CCDC73: variants seen among roughly 807,000 people sequenced by gnomAD.
CCDC73 encodes the protein coiled-coil domain-containing protein 73.
CCDC73 carries 95 observed loss-of-function variants against 116.5 expected under a neutral mutation model. The observed-to-expected ratio is 0.82, with a 90% CI of 0.69 to 0.97. The LOEUF is 0.97. Among genes scored for constraint, CCDC73 ranks in the 50% least tolerant of loss-of-function variants. The pLI, the probability that CCDC73 is intolerant of heterozygous loss-of-function variation, is 0.00. For synonymous variants in CCDC73, 398 were observed against 401.3 expected, an observed-to-expected ratio of 0.99 and a Z score of 0.10; for missense variants, 1,066 against 1,206.8, an observed-to-expected ratio of 0.88 and a Z score of 1.73.
rs568139372 is a variant in CCDC73, at chr11:32,607,382, G to A, written c.3030+3750C>T. On this transcript the variant is annotated intron_variant, in intron 17 of 17. Transcript: ENST00000335185. ...GCTGGGATTACAGGCGTGAGCCACCGCGCCCGGCCCAAAAATAAATTCTTA... is the reference window on the plus strand; with the variant it reads ...GCTGGGATTACAGGCGTGAGCCACCACGCCCGGCCCAAAAATAAATTCTTA... Among the ~76,000 whole-genome samples the A allele has an allele frequency of 8.5e-5, 13 of 152,128 alleles. No individual in the cohort carries two copies. In the East Asian group the frequency reaches 2.1e-3, roughly 25 times the overall value.
Position 32,653,331 on chromosome 11 carries a change from T to C in CCDC73, c.835-104A>G, listed in dbSNP as rs558551992. 7.7e-6 allele frequency: 5 copies of C among 648,938 alleles called. No individual in the cohort carries two copies. In the East Asian group the frequency reaches 1.5e-4, roughly 19 times the overall value. The allele number at this position is 648,938 out of a possible 1,614,324, so 40.2% of individuals were successfully genotyped here. ...CTAGTTTCCTAACTCACTGTATTTA[T>C]AGTTTAATTTCAATACTTTATATTA... is the stretch of plus-strand genomic sequence containing the variant. On this transcript the variant is annotated intron_variant, in intron 11 of 17. Coordinates refer to ENST00000335185, the MANE Select transcript of CCDC73 (RefSeq NM_001008391.4).
chr11:32,738,301 C>A lies in CCDC73; in HGVS notation c.136-20154G>T, dbSNP rs151162511. Reference sequence around the variant, plus strand: ...CAAATTGTTCTCCGTAGGGGTTATACTAATTTACATTTCCACCAACAGTGT... The same window carrying A: ...CAAATTGTTCTCCGTAGGGGTTATAATAATTTACATTTCCACCAACAGTGT... On this transcript the variant is annotated intron_variant, in intron 2 of 17. Transcript: ENST00000335185. Among the ~76,000 whole-genome samples the A allele has an allele frequency of 3.0e-3, 456 of 152,320 alleles. 2 individuals are homozygous for A. Among genetic ancestry groups the A allele is most frequent in the Middle Eastern group, 0.017 (5 of 294 alleles).
chr11:32,603,002 T>A lies in CCDC73; in HGVS notation c.3049A>T (p.Ile1017Leu), dbSNP rs372298684. 2 of 1,598,106 alleles carry A rather than the reference T, an allele frequency of 1.3e-6. No individual in the cohort carries two copies. The highest frequency in any genetic ancestry group is 1.7e-6 in the Non-Finnish European group (2 of 1,176,146). ...PTEHVKTKPL[I>L]STPLQSHLQA... ...AAATGGCTTTGTAGTGGAGTTGATA[T>A]CAGAGGCTTTGTTTTCACCTGGGAA... is the stretch of plus-strand genomic sequence containing the variant. The change falls in exon 18 of 18, where the codon ATA (isoleucine) becomes TTA (leucine). Residue 1017 changes from isoleucine (I) to leucine (L), a missense_variant. Physicochemically the swap from Ile to Leu is conservative, Grantham distance 5 (BLOSUM62 2). Transcript: ENST00000335185.
the CCDC73 span, among the ~76,000 whole-genome samples, chr11:32,801,511 C>A: frequency 1.3e-5 from 2 of 152,114 alleles, no homozygotes; most frequent in East Asian, 1.9e-4. Flanking sequence ...CGTGGTGGCA[C>A]ACACCTGTAG....
chr11:32,724,087 T>C (rs1175811198), intron 2 of CCDC73, among the ~76,000 whole-genome samples: 1 of 152,116 alleles, frequency 6.6e-6, no homozygotes, highest in African/African-American at 2.4e-5. Context: ...CTACAAATCA[T>C]AATAATCAGA....
At chr11:32,704,578 T>C (rs1188830093) in intron 3 of CCDC73, among the ~76,000 whole-genome samples, 1 of 152,090 alleles carries the variant, frequency 6.6e-6, no homozygotes, top group Non-Finnish European at 1.5e-5. Context: ...ACAGACAGCA[T>C]GTTGATGGTG....
chr11:32,749,041 A>G (rs545217355), intron 2 of CCDC73, among the ~76,000 whole-genome samples: 2 of 152,250 alleles, frequency 1.3e-5, no homozygotes, highest in South Asian at 2.1e-4. Context: ...TTACATCTGC[A>G]TGGTTTTCTA....
chr11:32,828,360 A>C, the CCDC73 span, among the ~76,000 whole-genome samples: 4 of 152,038 alleles, frequency 2.6e-5, no homozygotes, highest in Non-Finnish European at 5.9e-5. Context: ...TGTACAAAAA[A>C]TTAGCCGGGC....
chr11:32,755,567 A>G (rs1242065323), intron 2 of CCDC73, among the ~76,000 whole-genome samples: 1 of 127,456 alleles, frequency 7.8e-6, no homozygotes. Context: ...ATATATGTAC[A>G]TATATATCCA....
intron 13 of CCDC73, among the ~76,000 whole-genome samples, chr11:32,641,314 A>C (rs905922013): frequency 1.3e-5 from 2 of 152,126 alleles, no homozygotes; most frequent in Non-Finnish European, 2.9e-5. Flanking sequence ...TAGAATAATC[A>C]ATCTTGGGGT....
At position 32,613,505 on chromosome 11, in the gene CCDC73, T is replaced by C; in HGVS notation, c.2813A>G (p.Asp938Gly). 1 of 1,614,118 alleles carries C rather than the reference T, an allele frequency of 6.2e-7. No individual in the cohort carries two copies. Among genetic ancestry groups the C allele is most frequent in the Non-Finnish European group, 8.5e-7 (1 of 1,179,996 alleles). ...AATGATCTTTTTGTTTTCTGATGGA[T>C]CTAGTGGTCTCTCCTTCAGCAACAA... is the stretch of plus-strand genomic sequence containing the variant. ...ISLLLKERPL[D>G]PSENKKIISM... Residue 938 changes from aspartate to glycine, a missense_variant, in exon 16 of 18, where the codon GAT (aspartate) becomes GGT (glycine). By Grantham distance (94) the Asp-to-Gly change is moderately conservative (BLOSUM62 -1). Coordinates refer to ENST00000335185, the MANE Select transcript of CCDC73 (RefSeq NM_001008391.4).
At chr11:32,681,405 AATTG>A (rs1420823182) in intron 7 of CCDC73, 1 of 151,970 alleles carries the variant, frequency 6.6e-6, no homozygotes, top group Non-Finnish European at 1.5e-5. Flanking sequence ...GCATCCTTTT[AATTG>A]GTAATGATCG....
intron 1 of CCDC73, among the ~76,000 whole-genome samples, chr11:32,762,949 A>G (rs987092636): frequency 6.6e-6 from 1 of 152,190 alleles, no homozygotes; most frequent in Non-Finnish European, 1.5e-5. Context: ...CCAGGAAATT[A>G]TATCCTGCGC....
In CCDC73 at chr11:32,620,904, A is replaced by G. The variant is rs148870879; in HGVS notation, c.1186-4775T>C. Among the ~76,000 whole-genome samples, 1,089 of 152,262 alleles carry G rather than the reference A, an allele frequency of 7.2e-3. 17 individuals carry two copies. The highest frequency in any genetic ancestry group is 0.025 in the African/African-American group (1,050 of 41,546). ...CAATAGACAAGCAGAGAGCCAAAACATGAATGAACTCCCATTCACAATTGC... is the reference window on the plus strand; with the variant it reads ...CAATAGACAAGCAGAGAGCCAAAACGTGAATGAACTCCCATTCACAATTGC... On this transcript the variant is annotated intron_variant, in intron 14 of 17. Coordinates refer to ENST00000335185, the MANE Select transcript of CCDC73 (RefSeq NM_001008391.4).
chr11:32,793,073 C>T (rs1011810917), intron 1 of CCDC73, among the ~76,000 whole-genome samples: 3 of 152,214 alleles, frequency 2.0e-5, no homozygotes, highest in Non-Finnish European at 4.4e-5. Flanking sequence ...CTGGTGGACA[C>T]TCGGAATTTA....
At chr11:32,798,592 C>A (rs1008994856), upstream of CCDC73, among the ~76,000 whole-genome samples, 18 of 152,364 alleles carry the variant, frequency 1.2e-4, no homozygotes, top group African/African-American at 3.8e-4. Flanking sequence ...AGGCGTGAAC[C>A]ACTGTGCCCC....
At chr11:32,763,838 C>A (rs1191221648) in intron 1 of CCDC73, among the ~76,000 whole-genome samples, 1 of 152,172 alleles carries the variant, frequency 6.6e-6, no homozygotes, top group Non-Finnish European at 1.5e-5. Context: ...GAAGTTCAAA[C>A]CCATCACAAA....
At chr11:32,782,638 A>C (rs1850593527) in intron 1 of CCDC73, among the ~76,000 whole-genome samples, 1 of 152,234 alleles carries the variant, frequency 6.6e-6, no homozygotes, top group Admixed American at 6.5e-5. Flanking sequence ...AAGCCAATTC[A>C]GAGGAAGCAA....
chr11:32,725,370 G>A (rs1022653151), intron 2 of CCDC73, among the ~76,000 whole-genome samples: 2 of 151,792 alleles, frequency 1.3e-5, no homozygotes, highest in East Asian at 1.9e-4. Flanking sequence ...TGTACATGTC[G>A]GGAAAAACAG....
Sources: allele counts gnomAD v4.1 joint callset (sites outside exome capture counted in the v4.1 genomes callset), GRCh38; gene constraint gnomAD v4.1.1; transcripts MANE v1.5; gene names NCBI Gene and HGNC (gene_info 2026-07-23, HGNC 2026-07-21).